The following ZNF569 variants were observed in gnomAD, a reference collection of about 807,000 sequenced individuals.
The protein encoded by ZNF569 is zinc finger protein 569.
A neutral mutation model predicts 56.3 loss-of-function variants in ZNF569; 38 were observed. That is an observed-to-expected ratio of 0.68 (90% CI 0.52 to 0.88). The LOEUF is 0.88. Among genes scored for constraint, ZNF569 ranks in the 40% least tolerant of loss-of-function variants. The probability of loss-of-function intolerance (pLI) is 0.00; values close to 1 mark genes in which losing one functional copy is unlikely to be tolerated. For missense variants in ZNF569, 666 were observed against 809.2 expected, an observed-to-expected ratio of 0.82 and a Z score of 2.15; for synonymous variants, 241 against 262.9, an observed-to-expected ratio of 0.92 and a Z score of 0.81.
rs527386293 is a variant in ZNF569, at chr19:37,445,494, A to C, written c.-43-530T>G. Among the ~76,000 whole-genome samples, 11 of 152,270 alleles carry C rather than the reference A, an allele frequency of 7.2e-5. 1 individual carries two copies. The South Asian group carries it at 2.3e-3, about 32-fold the overall frequency. On this transcript the variant is annotated intron_variant, in intron 2 of 5. Transcript: ENST00000316950. ...AAATAAAAGGCATCCAAATTGGTAA[A>C]GAGGAAGTCATACTGTTGCTGCTGC...
At chr19:37,442,027 T>G (rs2041415566) in intron 3 of ZNF569, among the ~76,000 whole-genome samples, 1 of 152,206 alleles carries the variant, frequency 6.6e-6, no homozygotes. Flanking sequence ...CAGACTGCAT[T>G]AAAATTAGTT....
At chr19:37,441,441 T>C (rs892599419) in intron 3 of ZNF569, among the ~76,000 whole-genome samples, 1 of 152,166 alleles carries the variant, frequency 6.6e-6, no homozygotes, top group African/African-American at 2.4e-5. Flanking sequence ...GAGGATTGCC[T>C]GAGCCCAGGA....
chr19:37,443,729 G>A (rs4560032), intron 3 of ZNF569, among the ~76,000 whole-genome samples: 2,663 of 151,898 alleles, frequency 0.018, 95 homozygotes, highest in African/African-American at 0.061. Flanking sequence ...TTTACGGGCC[G>A]GGCGCAGTGG....
At chr19:37,426,907 G>GC (rs2041142189) in intron 3 of ZNF569, among the ~76,000 whole-genome samples, 1 of 152,194 alleles carries the variant, frequency 6.6e-6, no homozygotes, top group African/African-American at 2.4e-5. Context: ...TACATGTACT[G>GC]GAAAAGGGGC....
intron 5 of ZNF569, among the ~76,000 whole-genome samples, chr19:37,417,271 A>G (rs2040949458): frequency 6.6e-6 from 1 of 151,742 alleles, no homozygotes; most frequent in African/African-American, 2.4e-5. Flanking sequence ...TATTTTTTTT[A>G]TTTTTTAGAG....
intron 2 of ZNF569, among the ~76,000 whole-genome samples, chr19:37,464,806 CCTG>C (rs1342063354): frequency 6.6e-6 from 1 of 152,190 alleles, no homozygotes; most frequent in African/African-American, 2.4e-5. Flanking sequence ...CCTTGACCTC[CCTG>C]CTCTTTCCTC....
intron 1 of ZNF569, among the ~76,000 whole-genome samples, chr19:37,466,128 A>T (rs1263429986): frequency 6.6e-6 from 1 of 152,202 alleles, no homozygotes; most frequent in Non-Finnish European, 1.5e-5. Flanking sequence ...TTTTGACAGT[A>T]GTTGCATGGC....
Position 37,412,615 on chromosome 19 carries a change from C to T in ZNF569, c.2043G>A (p.Gln681=), listed in dbSNP as rs367698134. The part of the protein sequence containing the change: ...FSQKSHLVRH[Q]RIHTH ...AGGGTTTCTAATGAGTATGAATTCT[C>T]TGGTGTCTAACAAGGTGCGACTTTT... is the stretch of plus-strand genomic sequence containing the variant. Residue 681 remains glutamine, a synonymous_variant, in exon 6 of 6, where the codon CAG becomes CAA. Transcript: ENST00000316950. The T allele has an allele frequency of 6.2e-7, 1 of 1,602,360 alleles. No individual in the cohort carries two copies. Among genetic ancestry groups the T allele is most frequent in the African/African-American group, 1.3e-5 (1 of 74,226 alleles).
upstream of ZNF569, chr19:37,468,076 T>G: frequency 2.7e-6 from 2 of 733,426 alleles, no homozygotes; most frequent in Non-Finnish European, 4.4e-6. Flanking sequence ...TTCGTGTTTT[T>G]TTTTTTTTGT....
rs1050563764 is a variant in ZNF569, at chr19:37,425,846, T to C, written c.238+22A>G. 1.9e-6 allele frequency: 3 copies of C among 1,587,622 alleles called. No homozygotes were observed. In the East Asian group the frequency reaches 6.7e-5, roughly 36 times the overall value. On this transcript the variant is annotated intron_variant, in intron 5 of 5. Transcript: ENST00000316950. The stretch of plus-strand genomic sequence containing the variant: ...TAATAGGCCCTGACCTCTCCTCACC[T>C]GTCTGGTTCCCTTCCACTAACCTTG...
intron 2 of ZNF569, among the ~76,000 whole-genome samples, chr19:37,454,333 G>C (rs914237652): frequency 6.6e-6 from 1 of 151,802 alleles, no homozygotes; most frequent in Admixed American, 6.6e-5. Flanking sequence ...TCTTGGTGGG[G>C]GTTGAGTAGA....
chr19:37,421,336 G>C (rs1330967446), intron 5 of ZNF569, among the ~76,000 whole-genome samples: 3 of 152,204 alleles, frequency 2.0e-5, no homozygotes, highest in Non-Finnish European at 4.4e-5. Flanking sequence ...GAAAGTCCTA[G>C]ATGGCATCTT....
chr19:37,428,344 A>AAATG (rs553125324), intron 3 of ZNF569, among the ~76,000 whole-genome samples: 2,038 of 140,158 alleles, frequency 0.015, 35 homozygotes, highest in African/African-American at 0.054. Flanking sequence ...TCTCTACAAT[A>AAATG]AATGAATGAA....
chr19:37,468,272 A>AGAGATAAGGTCTC (rs2041885602), upstream of ZNF569, among the ~76,000 whole-genome samples: 1 of 151,966 alleles, frequency 6.6e-6, no homozygotes, highest in African/African-American at 2.4e-5. Context: ...GTTTGTTAGT[A>AGAGATAAGGTCTC]GAGATAAGGT....
At chr19:37,437,710 A>G (rs2041334590) in intron 3 of ZNF569, among the ~76,000 whole-genome samples, 1 of 152,156 alleles carries the variant, frequency 6.6e-6, no homozygotes, top group South Asian at 2.1e-4. Flanking sequence ...AAAAGAAATC[A>G]AGAAATTAAT....
chr19:37,467,022 C>A (rs1217957760), intron 1 of ZNF569, 62 bp downstream of exon 1: 1 of 152,414 alleles, frequency 6.6e-6, no homozygotes, highest in African/African-American at 2.4e-5. Context: ...GACCGCGGGC[C>A]CCCACTCCCA....
intron 2 of ZNF569, among the ~76,000 whole-genome samples, chr19:37,462,800 A>T (rs1227602173): frequency 6.6e-6 from 1 of 152,158 alleles, no homozygotes; most frequent in African/African-American, 2.4e-5. Flanking sequence ...AAGTGACCTC[A>T]TTCAGTCTCG....
At chr19:37,446,549 C>CAAAAAA (rs74174464) in intron 2 of ZNF569, among the ~76,000 whole-genome samples, 1 of 60,464 alleles carries the variant, frequency 1.7e-5, no homozygotes, top group Non-Finnish European at 3.2e-5. Flanking sequence ...GACTCCATCT[C>CAAAAAA]AAAAAAAAAA....
In ZNF569 at chr19:37,425,886, A is replaced by G. The variant is rs774880781; in HGVS notation, c.220T>C (p.Leu74=). The G allele has an allele frequency of 2.5e-6, 4 of 1,613,884 alleles. No homozygotes were observed. Among genetic ancestry groups the G allele is most frequent in the Non-Finnish European group, 3.4e-6 (4 of 1,179,882 alleles). ...CACTAACCTTGCCAGTGTCTCCTTAATACTTCTTCCTCCATCACCCATGGT... is the reference window on the plus strand; with the variant it reads ...CACTAACCTTGCCAGTGTCTCCTTAGTACTTCTTCCTCCATCACCCATGGT... ...EEPWVMEEEV[L]RRHWQGEIWG... Residue 74 remains leucine (L), a synonymous_variant, in exon 5 of 6, where the codon TTA becomes CTA. Transcript: ENST00000316950.
Sources: allele counts gnomAD v4.1 joint callset (sites outside exome capture counted in the v4.1 genomes callset), GRCh38; gene constraint gnomAD v4.1.1; transcripts MANE v1.5; gene names NCBI Gene and HGNC (gene_info 2026-07-23, HGNC 2026-07-21).